The following AFF3 variants were observed in gnomAD, a reference collection of about 807,000 sequenced individuals.
AFF3 encodes the protein AF4/FMR2 family member 3.
In AFF3, 32 loss-of-function variants were observed where a neutral mutation model predicts 129.7. The ratio of observed to expected loss-of-function variants is 0.25; its 90% confidence interval spans 0.19 to 0.33. AFF3 has a LOEUF of 0.33. AFF3 is among the 10% of genes least tolerant of loss of function. The pLI is 1.00. For missense variants in AFF3, 1,373 were observed against 1,592.0 expected (o/e 0.86, Z 2.34); for synonymous variants, 644 against 635.4 (o/e 1.01, Z -0.20).
chr2:100,110,360 G>T (rs1691472350), intron 2 of AFF3: 1 of 152,134 alleles, frequency 6.6e-6, no homozygotes. Context: ...GACGGCAAGA[G>T]GAATGTGTTC....
At chr2:99,832,231 C>T (rs6542901) in intron 8 of AFF3, among the ~76,000 whole-genome samples, 133,755 of 152,290 alleles carry the variant, frequency 0.88, 58,870 homozygotes, top group African/African-American at 0.94. Context: ...ATCTTCTAGG[C>T]ATATGGTTCT....
chr2:99,656,331 T>A (rs1685745395), intron 12 of AFF3, among the ~76,000 whole-genome samples: 1 of 152,200 alleles, frequency 6.6e-6, no homozygotes, highest in Non-Finnish European at 1.5e-5. Context: ...ATTTTTGCTA[T>A]CAACAGTATC....
In AFF3 at chr2:99,787,847, A is replaced by G. The variant is rs367855443; in HGVS notation, c.922-35546T>C. 1.2e-4 allele frequency among the ~76,000 whole-genome samples: 18 copies of G among 152,370 alleles called. No individual in the cohort carries two copies. The East Asian group carries it at 2.7e-3, about 23-fold the overall frequency. ...CCTTGGAGTCTGCTTCCTTATCAGC[A>G]AACGCCTCCTAAAGTTGTTATGATA... On this transcript the variant is annotated intron_variant, in intron 8 of 24. Coordinates refer to ENST00000672756, the MANE Select transcript of AFF3 (RefSeq NM_001386135.1).
chr2:99,584,021 A>G (rs1351002587), intron 16 of AFF3, among the ~76,000 whole-genome samples: 2 of 152,144 alleles, frequency 1.3e-5, no homozygotes, highest in African/African-American at 2.4e-5. Context: ...ACATTTCTAA[A>G]AAGACTTTTG....
chr2:99,973,714 G>A (rs1678612102), intron 7 of AFF3, among the ~76,000 whole-genome samples: 1 of 148,662 alleles, frequency 6.7e-6, no homozygotes, highest in South Asian at 2.1e-4. Flanking sequence ...TTTTTTTAAT[G>A]AGCAGTTTAA....
intron 11 of AFF3, among the ~76,000 whole-genome samples, chr2:99,678,323 C>T (rs564457363): frequency 3.9e-4 from 60 of 152,284 alleles, no homozygotes; most frequent in African/African-American, 1.4e-3. Flanking sequence ...TTGTAGCTGG[C>T]GCCTGCATTT....
intron 9 of AFF3, among the ~76,000 whole-genome samples, chr2:99,749,004 C>T (rs1291284338): frequency 2.0e-5 from 3 of 152,086 alleles, no homozygotes; most frequent in African/African-American, 4.8e-5. Context: ...GCTTAGTTCA[C>T]GCAGTACAAT....
intron 13 of AFF3, among the ~76,000 whole-genome samples, chr2:99,635,826 G>C (rs1417527596): frequency 1.3e-5 from 2 of 152,154 alleles, no homozygotes; most frequent in African/African-American, 2.4e-5. Context: ...TGGGCTGTCT[G>C]GGGATGAAAT....
intron 8 of AFF3, among the ~76,000 whole-genome samples, chr2:99,834,063 A>G (rs940679357): frequency 6.6e-6 from 1 of 152,174 alleles, no homozygotes; most frequent in Non-Finnish European, 1.5e-5. Context: ...TGGCTATAAA[A>G]CCTCTGAATT....
intron 4 of AFF3, among the ~76,000 whole-genome samples, chr2:100,068,236 ATG>A (rs1687886925): frequency 6.6e-6 from 1 of 152,220 alleles, no homozygotes; most frequent in Non-Finnish European, 1.5e-5. Flanking sequence ...CAAAATTTAA[ATG>A]TGTGTTATAA....
rs780114260 is a variant in AFF3, at chr2:99,578,442, G to C, written c.2803C>G (p.His935Asp). Residue 935 changes from histidine (H) to aspartate (D), a missense_variant, in exon 18 of 25, where the codon CAC (histidine) becomes GAC (aspartate). Physicochemically the swap from His to Asp is moderately conservative, Grantham distance 81. Transcript: ENST00000672756. ...AGGGGAATGTTTTCAGAATTGTTGT[G>C]AGCTGCTTTCTAAACAACAAACAAC... ...PHGGDLTKAA[H>D]NNSENIPLHK... 10 of 1,610,140 alleles carry C rather than the reference G, an allele frequency of 6.2e-6. No homozygotes were observed. The highest frequency in any genetic ancestry group is 1.3e-5 in the African/African-American group (1 of 74,760).
chr2:99,928,394 C>T (rs1442833500), intron 7 of AFF3, among the ~76,000 whole-genome samples: 1 of 152,104 alleles, frequency 6.6e-6, no homozygotes, highest in East Asian at 1.9e-4. Context: ...GAAGCTTGAA[C>T]TTGTTCCTTG....
chr2:99,727,175 C>T, intron 10 of AFF3, 47 bp from the exon 11 acceptor site: 1 of 1,519,902 alleles, frequency 6.6e-7, no homozygotes, highest in Non-Finnish European at 9.0e-7. Flanking sequence ...GTCTTACAGT[C>T]TTTAAGATTT....
chr2:99,682,948 C>A (rs181077402), intron 11 of AFF3, among the ~76,000 whole-genome samples: 1 of 152,294 alleles, frequency 6.6e-6, no homozygotes, highest in Admixed American at 6.5e-5. Context: ...TTACTGTTAG[C>A]AGTTTTCTGT....
At chr2:99,552,352 T>G (rs1401158901) in intron 24 of AFF3, among the ~76,000 whole-genome samples, 1 of 152,128 alleles carries the variant, frequency 6.6e-6, no homozygotes. Flanking sequence ...ATTGTGCCAC[T>G]GCACTCCAGC....
At chr2:99,657,236 C>T (rs1256535574) in intron 12 of AFF3, among the ~76,000 whole-genome samples, 2 of 152,218 alleles carry the variant, frequency 1.3e-5, no homozygotes, top group Non-Finnish European at 2.9e-5. Flanking sequence ...GTGTGATTTT[C>T]TGGCTCTCTG....
chr2:99,689,656 CAAAAAAAAA>C (rs60965683), intron 11 of AFF3, among the ~76,000 whole-genome samples: 4 of 57,286 alleles, frequency 7.0e-5, no homozygotes, highest in Non-Finnish European at 8.9e-5. Context: ...TATTTAATTG[CAAAAAAAAA>C]AAAAAAAAAA....
chr2:99,978,375 G>T (rs1412475422), intron 7 of AFF3, among the ~76,000 whole-genome samples: 1 of 152,072 alleles, frequency 6.6e-6, no homozygotes, highest in Non-Finnish European at 1.5e-5. Flanking sequence ...TTATGTTATG[G>T]TCTTAACATT....
intron 8 of AFF3, among the ~76,000 whole-genome samples, chr2:99,828,043 G>A (rs930426480): frequency 1.1e-4 from 17 of 152,098 alleles, no homozygotes; most frequent in African/African-American, 4.1e-4. Flanking sequence ...CATTCCCAAT[G>A]GGCACCTTAC....
Sources: allele counts gnomAD v4.1 joint callset (sites outside exome capture counted in the v4.1 genomes callset), GRCh38; gene constraint gnomAD v4.1.1; transcripts MANE v1.5; gene names NCBI Gene and HGNC (gene_info 2026-07-23, HGNC 2026-07-21).